Variants in ZMYM4 observed in about 807,000 individuals in gnomAD.
The protein encoded by ZMYM4 is zinc finger MYM-type protein 4.
In ZMYM4, 31 loss-of-function variants were observed where a neutral mutation model predicts 183.2. The observed-to-expected ratio is 0.17, with a 90% confidence interval of 0.13 to 0.23. ZMYM4 has a LOEUF of 0.23. ZMYM4 is among the 10% of genes least tolerant of loss of function. The pLI, the probability that ZMYM4 is intolerant of heterozygous loss-of-function variation, is 1.00. For missense variants in ZMYM4, 1,273 were observed against 1,840.3 expected (o/e 0.69, Z 5.64); for synonymous variants, 592 against 631.2 (o/e 0.94, Z 0.93).
intron 2 of ZMYM4, among the ~76,000 whole-genome samples, chr1:35,344,074 G>A (rs547883720): frequency 7.9e-6 from 1 of 126,378 alleles, no homozygotes; most frequent in African/African-American, 3.0e-5. Context: ...TTTTTTTTTT[G>A]AGACATTCTT....
At chr1:35,418,216 G>C (rs1363843267) in intron 28 of ZMYM4, among the ~76,000 whole-genome samples, 3 of 152,152 alleles carry the variant, frequency 2.0e-5, no homozygotes, top group Non-Finnish European at 2.9e-5. Context: ...GTGAGCAGGG[G>C]AGCATAAAAT....
chr1:35,368,210 A>G (rs968939027), intron 5 of ZMYM4, among the ~76,000 whole-genome samples: 2 of 152,116 alleles, frequency 1.3e-5, no homozygotes, highest in African/African-American at 4.8e-5. Flanking sequence ...CAGAGACCAT[A>G]TGGCCTGCAA....
chr1:35,392,697 A>G lies in ZMYM4; in HGVS notation c.2766+13A>G, dbSNP rs1216103900. ...AATCATCGGTGATGTAAGTTTTATT[A>G]CTTTTATTGGTATTGTCACTGTATT... On this transcript the variant is annotated intron_variant, in intron 17 of 29. Transcript: ENST00000314607. 6.3e-7 allele frequency: 1 copy of G among 1,589,170 alleles called. No individual in the cohort carries two copies. Among genetic ancestry groups the G allele is most frequent in the South Asian group, 1.2e-5 (1 of 86,436 alleles).
chr1:35,387,429 G>A, intron 12 of ZMYM4, 25 bp from the exon 13 acceptor site: 2 of 1,590,666 alleles, frequency 1.3e-6, no homozygotes, highest in Non-Finnish European at 1.7e-6. Flanking sequence ...TGTTTAATTA[G>A]TACTTAATGA....
chr1:35,412,465 A>C (rs115114395), intron 26 of ZMYM4, among the ~76,000 whole-genome samples: 2,079 of 152,206 alleles, frequency 0.014, 68 homozygotes, highest in African/African-American at 0.048. Flanking sequence ...AAGGATAGGC[A>C]TTCTTGTCTT....
At chr1:35,404,804 G>T in intron 23 of ZMYM4, 1 of 411,668 alleles carries the variant, frequency 2.4e-6, no homozygotes, top group Non-Finnish European at 4.3e-6. Context: ...TTATTACAGT[G>T]TGCTCTTCTG....
chr1:35,361,890 G>A, intron 5 of ZMYM4, 101 bp downstream of exon 5: 2 of 1,437,628 alleles, frequency 1.4e-6, no homozygotes, highest in South Asian at 1.5e-5. Context: ...TTGTTGACAG[G>A]GTGAAAGGAA....
intron 9 of ZMYM4, 93 bp from the exon 10 acceptor site, chr1:35,385,349 A>G (rs1189118418): frequency 4.5e-6 from 6 of 1,322,504 alleles, no homozygotes; most frequent in Admixed American, 5.0e-5. Context: ...ACTGATTTCA[A>G]ATATTTCAAA....
intron 7 of ZMYM4, 93 bp from the exon 8 acceptor site, chr1:35,381,166 A>G (rs1644449987): frequency 2.8e-6 from 3 of 1,075,192 alleles, no homozygotes; most frequent in Admixed American, 5.0e-5. Flanking sequence ...CCTACAGTAT[A>G]ATTGCCTCTG....
chr1:35,396,527 G>T (rs1440764004), intron 18 of ZMYM4, 25 bp from the exon 19 acceptor site: 1 of 1,606,642 alleles, frequency 6.2e-7, no homozygotes, highest in Admixed American at 1.7e-5. Context: ...TTTGCTTTTT[G>T]TGATTTTGTT....
chr1:35,377,219 A>G (rs1558119169), intron 7 of ZMYM4, among the ~76,000 whole-genome samples: 1 of 152,206 alleles, frequency 6.6e-6, no homozygotes, highest in Non-Finnish European at 1.5e-5. Context: ...TATGTGGACC[A>G]TATTTTGACT....
At chr1:35,354,116 T>A (rs1364734103) in intron 2 of ZMYM4, among the ~76,000 whole-genome samples, 2 of 151,890 alleles carry the variant, frequency 1.3e-5, no homozygotes, top group African/African-American at 4.8e-5. Flanking sequence ...GCCACTGCAC[T>A]CCAGCCTGGG....
intron 2 of ZMYM4, among the ~76,000 whole-genome samples, chr1:35,330,839 T>G (rs1558015276): frequency 6.6e-6 from 1 of 152,238 alleles, no homozygotes; most frequent in Admixed American, 6.5e-5. Context: ...CCTGTTTCTG[T>G]ACCTCACCCT....
At chr1:35,407,919 G>A (rs1440214660) in intron 25 of ZMYM4, 89 bp from the exon 26 acceptor site, 2 of 1,535,988 alleles carry the variant, frequency 1.3e-6, no homozygotes, top group East Asian at 4.5e-5. Flanking sequence ...AGTGCCTGGA[G>A]CACAGTAGTG....
chr1:35,318,338 G>GT (rs1416268229), intron 1 of ZMYM4, among the ~76,000 whole-genome samples: 1 of 152,126 alleles, frequency 6.6e-6, no homozygotes, highest in Non-Finnish European at 1.5e-5. Context: ...GATTATAGGG[G>GT]TGAGCCACTG....
intron 2 of ZMYM4, among the ~76,000 whole-genome samples, chr1:35,328,344 T>C (rs1438627190): frequency 6.6e-6 from 1 of 152,084 alleles, no homozygotes; most frequent in African/African-American, 2.4e-5. Flanking sequence ...TGCAGTGGCA[T>C]GATCATAGCT....
intron 1 of ZMYM4, among the ~76,000 whole-genome samples, chr1:35,293,701 CA>C: frequency 6.6e-6 from 1 of 152,210 alleles, no homozygotes; most frequent in Middle Eastern, 3.4e-3. Context: ...GTTTAGCGCA[CA>C]TGAAATACCT....
At chr1:35,369,102 A>C (rs12064326) in intron 5 of ZMYM4, among the ~76,000 whole-genome samples, 10,525 of 152,082 alleles carry the variant, frequency 0.069, 975 homozygotes, top group East Asian at 0.44. Context: ...TGTGCCGACA[A>C]CTCCCCATCA....
chr1:35,352,603 A>G (rs1008408723), intron 2 of ZMYM4, among the ~76,000 whole-genome samples: 1 of 152,130 alleles, frequency 6.6e-6, no homozygotes, highest in African/African-American at 2.4e-5. Context: ...AGCTGTTCTC[A>G]AGTTAGAAGT....
Sources: gnomAD v4.1 joint callset for allele counts (sites outside exome capture counted in the v4.1 genomes callset) on GRCh38, gnomAD v4.1.1 for gene constraint, MANE v1.5 for transcripts, NCBI Gene and HGNC (gene_info 2026-07-23, HGNC 2026-07-21) for gene names.